PUDP: variants seen among roughly 807,000 people sequenced by gnomAD.
The protein encoded by PUDP is pseudouridine-5'-phosphatase.
In PUDP, 8 loss-of-function variants were observed where a neutral mutation model predicts 9.4. That is an observed-to-expected ratio of 0.85 (90% confidence interval 0.50 to 1.53). The LOEUF (loss-of-function observed/expected upper bound fraction) is 1.53. PUDP is among the 40% of genes most tolerant of loss of function. The probability of loss-of-function intolerance (pLI) is 0.00; values close to 1 mark genes in which losing one functional copy is unlikely to be tolerated. For missense variants in PUDP, 188 were observed against 189.7 expected (o/e 0.99, Z 0.05); for synonymous variants, 99 against 80.7 (o/e 1.23, Z -1.22).
chrX:7,098,956 G>A (rs1196470140), intron 2 of PUDP, among the ~76,000 whole-genome samples: 4 of 110,730 alleles, frequency 3.6e-5, no homozygotes, highest in East Asian at 5.8e-4. Flanking sequence ...GGGGAGAGCC[G>A]GCCAGGCTGA....
At chrX:6,790,968 G>A (rs1925736676) in intron 3 of PUDP, among the ~76,000 whole-genome samples, 1 of 112,089 alleles carries the variant, frequency 8.9e-6, no homozygotes, top group Non-Finnish European at 1.9e-5. Flanking sequence ...TAAGCTTGGT[G>A]GAAATTTTGG....
intron 3 of PUDP, among the ~76,000 whole-genome samples, chrX:6,728,249 C>T (rs2146658546): frequency 9.0e-6 from 1 of 111,100 alleles, no homozygotes; most frequent in African/African-American, 3.3e-5. Context: ...TATCTCCCAC[C>T]AGGTGGCTCA....
chrX:6,979,889 T>G (rs1439296668), intron 1 of PUDP, among the ~76,000 whole-genome samples: 2 of 111,158 alleles, frequency 1.8e-5, no homozygotes, highest in African/African-American at 3.3e-5. Context: ...AGTATGAAAT[T>G]TTTTTTCTAT....
At chrX:6,981,408 G>A (rs775034092) in intron 1 of PUDP, among the ~76,000 whole-genome samples, 38 of 111,232 alleles carry the variant, frequency 3.4e-4, no homozygotes, top group African/African-American at 1.1e-3. Flanking sequence ...TATTGCTATG[G>A]CTTATCTACT....
chrX:6,805,528 T>G (rs1192389897), intron 3 of PUDP, among the ~76,000 whole-genome samples: 3 of 108,489 alleles, frequency 2.8e-5, no homozygotes, highest in East Asian at 3.0e-4. Context: ...AACCAAAAAG[T>G]TTTTTTTTCT....
chrX:6,985,000 G>A (rs1272333624), intron 1 of PUDP, among the ~76,000 whole-genome samples: 1 of 111,925 alleles, frequency 8.9e-6, no homozygotes. Context: ...TTATGGAAAA[G>A]TGCTTTTGGG....
chrX:6,872,213 G>C (rs1471130414), intron 3 of PUDP, among the ~76,000 whole-genome samples: 2 of 111,385 alleles, frequency 1.8e-5, no homozygotes, highest in Non-Finnish European at 3.8e-5. Context: ...CTGCAGAGTT[G>C]GTTCCTTCTA....
At chrX:6,720,768 C>T (rs1270716745) in intron 1 of PUDP, among the ~76,000 whole-genome samples, 2 of 110,979 alleles carry the variant, frequency 1.8e-5, no homozygotes, top group African/African-American at 6.5e-5. Flanking sequence ...CAAAACCTCA[C>T]ACGGTACACA....
At chrX:6,861,522 T>C (rs751464374) in intron 3 of PUDP, among the ~76,000 whole-genome samples, 1 of 111,707 alleles carries the variant, frequency 9.0e-6, no homozygotes, top group Admixed American at 9.5e-5. Flanking sequence ...AAAATGAAAT[T>C]GTGATATTCA....
chrX:7,009,215 G>T (rs1311603771), intron 1 of PUDP, among the ~76,000 whole-genome samples: 1 of 112,367 alleles, frequency 8.9e-6, no homozygotes, highest in African/African-American at 3.2e-5. Flanking sequence ...TTGCCTTCTA[G>T]AGAACTTTCT....
intron 3 of PUDP, among the ~76,000 whole-genome samples, chrX:6,903,333 A>G (rs1344509588): frequency 8.9e-6 from 1 of 111,741 alleles, no homozygotes; most frequent in African/African-American, 3.3e-5. Context: ...TGAATCAGTC[A>G]GTGTCTCAGT....
At chrX:7,109,536 T>C (rs1348221645) in intron 1 of PUDP, among the ~76,000 whole-genome samples, 1 of 112,479 alleles carries the variant, frequency 8.9e-6, no homozygotes, top group Non-Finnish European at 1.9e-5. Context: ...CAGTGTTTAT[T>C]TAAAGCTTAA....
intron 3 of PUDP, among the ~76,000 whole-genome samples, chrX:6,757,610 A>G (rs906878372): frequency 8.9e-6 from 1 of 111,927 alleles, no homozygotes; most frequent in Non-Finnish European, 1.9e-5. Context: ...AATGGGCTAT[A>G]TATTTTTCAT....
rs781612797 is a variant in PUDP at position 6,994,770 on chromosome X, T to G, written c.205-16427A>C. 1.3e-4 allele frequency among the ~76,000 whole-genome samples: 14 copies of G among 111,117 alleles called. 1 individual carries two copies. The South Asian group carries it at 5.4e-3, about 43-fold the overall frequency. On this transcript the variant is annotated intron_variant and NMD_transcript_variant, in intron 1 of 3. Transcript: ENST00000655425. ...GGCTGGTTTACTGAGCAGAAAAGAG[T>G]TAATTTTTTCACCCTATCGAAAAAA...
intron 3 of PUDP, among the ~76,000 whole-genome samples, chrX:6,811,994 T>A (rs779152716): frequency 8.9e-6 from 1 of 112,028 alleles, no homozygotes; most frequent in East Asian, 2.8e-4. Flanking sequence ...TACCAGGGGA[T>A]GTGAGAAAGA....
chrX:7,131,487 G>A (rs1234852244), intron 1 of PUDP, among the ~76,000 whole-genome samples: 1 of 110,366 alleles, frequency 9.1e-6, no homozygotes, highest in Non-Finnish European at 1.9e-5. Flanking sequence ...AAGGAGAGAA[G>A]AGAAGGCCAC....
At chrX:7,085,882 G>A (rs1368299125) in intron 2 of PUDP, among the ~76,000 whole-genome samples, 1 of 111,360 alleles carries the variant, frequency 9.0e-6, no homozygotes. Context: ...AGGTCACACC[G>A]CTACATGACT....
chrX:7,047,325 A>C (rs910435902), downstream of PUDP, among the ~76,000 whole-genome samples: 1 of 112,476 alleles, frequency 8.9e-6, no homozygotes, highest in Admixed American at 9.4e-5. Flanking sequence ...ATCTACAATG[A>C]CTGTCATGTA....
chrX:6,890,116 T>A (rs1927490924), intron 3 of PUDP, among the ~76,000 whole-genome samples: 1 of 111,722 alleles, frequency 9.0e-6, no homozygotes, highest in African/African-American at 3.3e-5. Context: ...GAGGTATGGT[T>A]TCCACATGCC....
Sources: allele counts gnomAD v4.1 joint callset (sites outside exome capture counted in the v4.1 genomes callset), GRCh38; gene constraint gnomAD v4.1.1; transcripts MANE v1.5; gene names NCBI Gene and HGNC (gene_info 2026-07-23, HGNC 2026-07-21).